Variants in GOLGA4 observed in about 807,000 individuals in gnomAD.
The protein encoded by GOLGA4 is golgin A4, also known as golgin subfamily A member 4.
GOLGA4 carries 169 observed loss-of-function variants against 265.9 expected under a neutral mutation model. The ratio of observed to expected loss-of-function variants is 0.64; its 90% confidence interval spans 0.56 to 0.72. The LOEUF is 0.72. Ranked by LOEUF, GOLGA4 falls within the 30% of genes least tolerant of loss-of-function variation. The probability of loss-of-function intolerance (pLI) is 0.00; values close to 1 mark genes in which losing one functional copy is unlikely to be tolerated. For synonymous variants in GOLGA4, 923 were observed against 855.8 expected (o/e 1.08, Z -1.37); for missense variants, 2,482 against 2,483.4 (o/e 1.00, Z 0.01).
chr3:37,326,032 G>C lies in GOLGA4; in HGVS notation c.4146G>C (p.Gln1382His), dbSNP rs747622264. Residue 1382 changes from glutamine (Q) to histidine (H), a missense_variant, in exon 14 of 24, where the codon CAG becomes CAC. By Grantham distance (24) the Gln-to-His change is conservative (BLOSUM62 0). Coordinates refer to ENST00000361924, the MANE Select transcript of GOLGA4 (RefSeq NM_002078.5). ...LSKQLTDLNV[Q>H]LQNSISLSEK... ...AACAACTAACTGATTTGAATGTTCA[G>C]CTTCAAAATAGCATCAGCCTATCCG... 3 of 1,613,134 alleles carry C rather than the reference G, an allele frequency of 1.9e-6. No homozygotes were observed. Among genetic ancestry groups the C allele is most frequent in the Non-Finnish European group, 2.5e-6 (3 of 1,179,254 alleles).
chr3:37,292,157 G>GT lies in GOLGA4; in HGVS notation c.583-2816dup, dbSNP rs2096866362. The stretch of plus-strand genomic sequence containing the variant: ...AAAACTATAGTATAAATCGAGGAGT[G>GT]TTTTTTGGTTTGTTTTTTTTGTTTT... On this transcript the variant is annotated intron_variant, in intron 5 of 23. Transcript: ENST00000361924. Among the ~76,000 whole-genome samples the GT allele has an allele frequency of 2.6e-5, 4 of 152,044 alleles. No individual in the cohort carries two copies. The South Asian group carries it at 8.3e-4, about 32-fold the overall frequency.
intron 21 of GOLGA4, among the ~76,000 whole-genome samples, chr3:37,348,206 T>C (rs959397228): frequency 1.3e-5 from 2 of 152,124 alleles, no homozygotes; most frequent in African/African-American, 4.8e-5. Flanking sequence ...TAAAATAATA[T>C]TATAAAAGGA....
intron 2 of GOLGA4, among the ~76,000 whole-genome samples, chr3:37,274,139 A>G (rs1578442862): frequency 6.6e-6 from 1 of 151,644 alleles, no homozygotes; most frequent in East Asian, 1.9e-4. Context: ...AATTATGAGA[A>G]AGTGAAAACT....
chr3:37,278,579 G>C (rs887769462), intron 2 of GOLGA4, among the ~76,000 whole-genome samples: 2 of 152,096 alleles, frequency 1.3e-5, no homozygotes, highest in African/African-American at 2.4e-5. Flanking sequence ...ACTTGAATGA[G>C]TCAACTTTAT....
chr3:37,347,309 T>C lies in GOLGA4; in HGVS notation c.6576+13T>C. 7.1e-7 allele frequency: 1 copy of C among 1,400,066 alleles called. No individual in the cohort carries two copies. Among genetic ancestry groups the C allele is most frequent in the Non-Finnish European group, 1.0e-6 (1 of 986,692 alleles). The allele number at this position is 1,400,066 out of a possible 1,614,324, so 86.7% of individuals were successfully genotyped here. ...TCGTGAGACTAAGGTATAAATCATGTCTCGTGATTTGGTGTGTGGCTTAAT... is the reference window on the plus strand; with the variant it reads ...TCGTGAGACTAAGGTATAAATCATGCCTCGTGATTTGGTGTGTGGCTTAAT... On this transcript the variant is annotated intron_variant, in intron 21 of 23. Coordinates refer to ENST00000361924, the MANE Select transcript of GOLGA4 (RefSeq NM_002078.5).
At chr3:37,363,289 T>C (rs1696477574) in intron 23 of GOLGA4, among the ~76,000 whole-genome samples, 1 of 152,228 alleles carries the variant, frequency 6.6e-6, no homozygotes. Flanking sequence ...ATTCTATAGC[T>C]AACCCATTAA....
In GOLGA4 at chr3:37,326,368, A is replaced by G; in HGVS notation, c.4482A>G (p.Arg1494=). 1 of 1,613,002 alleles carries G rather than the reference A, an allele frequency of 6.2e-7. No individual in the cohort carries two copies. Among genetic ancestry groups the G allele is most frequent in the Non-Finnish European group, 8.5e-7 (1 of 1,179,606 alleles). Residue 1494 remains arginine, a synonymous_variant, in exon 14 of 24, where the codon AGA becomes AGG. Coordinates refer to ENST00000361924, the MANE Select transcript of GOLGA4 (RefSeq NM_002078.5). ...LKEELDQQNK[R]FDCLKGEMED... is the part of the protein sequence containing the mutation. ...AAGAGCTTGATCAGCAAAATAAAAG[A>G]TTTGATTGTTTAAAGGGTGAAATGG... is the stretch of plus-strand genomic sequence containing the variant.
At chr3:37,346,879 G>C (rs2097058331) in intron 20 of GOLGA4, among the ~76,000 whole-genome samples, 1 of 152,100 alleles carries the variant, frequency 6.6e-6, no homozygotes, top group African/African-American at 2.4e-5. Context: ...AACACAGTTT[G>C]TTTTCACAGA....
At position 37,327,920 on chromosome 3, in the gene GOLGA4, A is replaced by G. The variant is rs112982045; in HGVS notation, c.5939+95A>G. 4.3e-5 allele frequency: 45 copies of G among 1,044,742 alleles called. No individual in the cohort carries two copies. The Admixed American group carries it at 4.8e-4, about 11-fold the overall frequency. 64.7% of individuals were successfully genotyped at this position (1,044,742 alleles called of 1,614,324 possible). A position where few individuals can be genotyped will look rare whatever the true frequency, so the allele number is the denominator to read the frequency against. ...AATACAGTTATTTTAAATTATTTGG[A>G]TAAGTTTCACCAACCCAAAATATTA... On this transcript the variant is annotated intron_variant, in intron 14 of 23. Coordinates refer to ENST00000361924, the MANE Select transcript of GOLGA4 (RefSeq NM_002078.5).
At chr3:37,303,423 G>C (rs191931598) in intron 10 of GOLGA4, among the ~76,000 whole-genome samples, 3 of 152,338 alleles carry the variant, frequency 2.0e-5, no homozygotes, top group East Asian at 3.9e-4. Context: ...CAGGGAGGCA[G>C]AAGAAAAGTA....
intron 9 of GOLGA4, among the ~76,000 whole-genome samples, chr3:37,300,398 G>T (rs1578577872): frequency 6.6e-6 from 1 of 152,034 alleles, no homozygotes; most frequent in Non-Finnish European, 1.5e-5. Flanking sequence ...GAGCTGTCCT[G>T]CTGTTAAAAT....
Position 37,327,551 on chromosome 3 carries a change from C to G in GOLGA4, c.5665C>G (p.Gln1889Glu). 3 of 1,613,676 alleles carry G rather than the reference C, an allele frequency of 1.9e-6. No homozygotes were observed. In the South Asian group the frequency reaches 3.3e-5, roughly 18 times the overall value. The change falls in exon 14 of 24, where the codon CAG (glutamine) becomes GAG (glutamate). Residue 1889 changes from glutamine to glutamate, a missense_variant. Physicochemically the swap from Gln to Glu is conservative, Grantham distance 29. Around this residue, in one of 3 missense-constraint regions of GOLGA4, gnomAD observed 942 missense variants for 983.1 expected, o/e 0.96. Coordinates refer to ENST00000361924, the MANE Select transcript of GOLGA4 (RefSeq NM_002078.5). ...SKYEKLQALQ[Q>E]MDGRNKPTEL... ...ATATGAAAAATTACAGGCTTTACAA[C>G]AGATGGATGGAAGAAATAAACCCAC...
At chr3:37,346,594 CT>C (rs2097057151) in intron 20 of GOLGA4, among the ~76,000 whole-genome samples, 1 of 152,098 alleles carries the variant, frequency 6.6e-6, no homozygotes, top group African/African-American at 2.4e-5. Flanking sequence ...TGCGATTTTG[CT>C]TTTATAAACA....
intron 1 of GOLGA4, chr3:37,245,399 G>A (rs528902666): frequency 6.6e-6 from 1 of 152,370 alleles, no homozygotes; most frequent in East Asian, 1.9e-4. Flanking sequence ...AAGGATATTT[G>A]TGTTAAAAGA....
At chr3:37,356,435 T>C (rs2097091269) in intron 22 of GOLGA4, among the ~76,000 whole-genome samples, 1 of 152,194 alleles carries the variant, frequency 6.6e-6, no homozygotes, top group East Asian at 1.9e-4. Flanking sequence ...TTCTGAGGCA[T>C]TTGCTATTAT....
intron 19 of GOLGA4, 113 bp downstream of exon 19, chr3:37,337,847 G>T: frequency 4.7e-6 from 3 of 643,212 alleles, no homozygotes; most frequent in Non-Finnish European, 8.3e-6. Context: ...TTACACCCAG[G>T]AAATTTTATT....
intron 1 of GOLGA4, 69 bp downstream of exon 1, chr3:37,243,691 C>G: frequency 7.7e-7 from 1 of 1,301,414 alleles, no homozygotes; most frequent in South Asian, 1.2e-5. Context: ...ACGAAAGAGG[C>G]GGGGGGAGTG....
intron 22 of GOLGA4, 125 bp downstream of exon 22, chr3:37,355,312 G>A (rs1335587982): frequency 3.3e-6 from 2 of 599,210 alleles, no homozygotes; most frequent in Non-Finnish European, 6.0e-6. Context: ...TTATATCACA[G>A]CCTGAAAAAT....
At position 37,325,943 on chromosome 3, in the gene GOLGA4, A is replaced by G; in HGVS notation, c.4057A>G (p.Asn1353Asp). 6.2e-7 allele frequency: 1 copy of G among 1,612,166 alleles called. No homozygotes were observed. The highest frequency in any genetic ancestry group is 2.2e-5 in the East Asian group (1 of 44,810). Residue 1353 changes from asparagine to aspartate, a missense_variant, in exon 14 of 24, where the codon AAT (asparagine) becomes GAT (aspartate). Asn to Asp is a conservative substitution (Grantham distance 23, BLOSUM62 1). This residue lies in a region of GOLGA4 where 942 missense variants were observed against 983.1 expected (regional missense o/e 0.96). Transcript: ENST00000361924. ...GAAGAAAGAGTTATCTGAAAACATC[A>G]ATGCTGTCACATTGATGAAAGAAGA... ...QLKKELSENI[N>D]AVTLMKEELK...
Sources: allele counts gnomAD v4.1 joint callset (sites outside exome capture counted in the v4.1 genomes callset), GRCh38; gene constraint gnomAD v4.1.1; regional missense constraint gnomAD v4.1.1; transcripts MANE v1.5; gene names NCBI Gene and HGNC (gene_info 2026-07-23, HGNC 2026-07-21).